The following ZMYM2 variants were observed in gnomAD, a reference collection of about 807,000 sequenced individuals.
The protein encoded by ZMYM2 is zinc finger MYM-type protein 2.
A neutral mutation model predicts 162.8 loss-of-function variants in ZMYM2; 56 were observed. The observed-to-expected ratio is 0.34, with a 90% CI of 0.28 to 0.43. ZMYM2 has a LOEUF of 0.43. Among genes scored for constraint, ZMYM2 ranks in the 20% least tolerant of loss-of-function variants. The probability of loss-of-function intolerance (pLI) is 1.00; values close to 1 mark genes in which losing one functional copy is unlikely to be tolerated. For synonymous variants in ZMYM2, 510 were observed against 541.6 expected (o/e 0.94, Z 0.81); for missense variants, 1,275 against 1,621.8 (o/e 0.79, Z 3.67).
At chr13:20,029,038 C>A (rs1460203840) in intron 9 of ZMYM2, among the ~76,000 whole-genome samples, 1 of 152,066 alleles carries the variant, frequency 6.6e-6, no homozygotes, top group Non-Finnish European at 1.5e-5. Flanking sequence ...AGATATTTTC[C>A]TTTTAAAAGT....
chr13:20,077,359 G>T (rs1684898694), intron 21 of ZMYM2, among the ~76,000 whole-genome samples: 1 of 150,382 alleles, frequency 6.6e-6, no homozygotes, highest in Admixed American at 6.6e-5. Context: ...AAAGTTACTT[G>T]CCCAAGTTAC....
At chr13:20,009,783 A>G (rs903083794) in intron 6 of ZMYM2, among the ~76,000 whole-genome samples, 4 of 152,204 alleles carry the variant, frequency 2.6e-5, no homozygotes, top group African/African-American at 9.6e-5. Context: ...CATTATATGT[A>G]TATGCCACAT....
the ZMYM2 span, among the ~76,000 whole-genome samples, chr13:19,890,326 G>T: frequency 6.6e-6 from 1 of 151,332 alleles, no homozygotes; most frequent in East Asian, 1.9e-4. Context: ...ACCACGCCTG[G>T]CTAACTTTTT....
the ZMYM2 span, among the ~76,000 whole-genome samples, chr13:19,881,711 G>A: frequency 3.3e-5 from 5 of 151,906 alleles, no homozygotes; most frequent in South Asian, 2.1e-4. Flanking sequence ...TTGGTCAGGC[G>A]CTGTGGCTCA....
At chr13:20,049,869 T>G (rs1955156671) in intron 12 of ZMYM2, among the ~76,000 whole-genome samples, 1 of 152,028 alleles carries the variant, frequency 6.6e-6, no homozygotes, top group South Asian at 2.1e-4. Flanking sequence ...GAATAAAGTA[T>G]TAAGCTTCCA....
At chr13:20,066,455 GTTGA>G (rs1475841051) in intron 19 of ZMYM2, 1 of 154,402 alleles carries the variant, frequency 6.5e-6, no homozygotes, top group Non-Finnish European at 1.4e-5. Context: ...GCTGATAACA[GTTGA>G]TTAACACATA....
At chr13:19,911,339 G>A in the ZMYM2 span, among the ~76,000 whole-genome samples, 121,382 of 151,646 alleles carry the variant, frequency 0.8, 49,720 homozygotes, top group East Asian at 0.96. Context: ...GATTACAGGT[G>A]TGAGCCACCA....
chr13:19,900,326 C>G, the ZMYM2 span, among the ~76,000 whole-genome samples: 1 of 151,912 alleles, frequency 6.6e-6, no homozygotes, highest in African/African-American at 2.4e-5. Context: ...TGTACAACAA[C>G]AAAATAGATA....
In ZMYM2 at chr13:20,051,270, T is replaced by C. The variant is rs1196962523; in HGVS notation, c.2293-163T>C. Reference sequence around the variant, plus strand: ...GTGAAATTGTATTTTTTTTTTTTTTTTTCATTTATTGTAGATTTTACTGTT... The same window carrying C: ...GTGAAATTGTATTTTTTTTTTTTTTCTTCATTTATTGTAGATTTTACTGTT... On this transcript the variant is annotated intron_variant, in intron 12 of 24. Transcript: ENST00000610343. 3.3e-5 allele frequency among the ~76,000 whole-genome samples: 5 copies of C among 151,926 alleles called. No homozygotes were observed. In the East Asian group the frequency reaches 7.7e-4, roughly 23 times the overall value.
At chr13:19,900,492 A>T in the ZMYM2 span, among the ~76,000 whole-genome samples, 2 of 152,182 alleles carry the variant, frequency 1.3e-5, no homozygotes, top group Non-Finnish European at 2.9e-5. Context: ...TCACGGGTAA[A>T]TTCTACCAAA....
intron 12 of ZMYM2, among the ~76,000 whole-genome samples, chr13:20,049,456 GAGTC>G (rs1359403858): frequency 5.3e-5 from 8 of 151,928 alleles, no homozygotes; most frequent in Admixed American, 4.6e-4. Context: ...CTACTACTAA[GAGTC>G]AGCATAGTAC....
intron 21 of ZMYM2, 141 bp from the exon 22 acceptor site, chr13:20,081,875 A>C (rs1159519777): frequency 3.9e-6 from 2 of 508,066 alleles, no homozygotes; most frequent in Non-Finnish European, 6.8e-6. Context: ...AGGTGCATAC[A>C]TAAAATCAGT....
chr13:19,916,362 G>A, the ZMYM2 span, among the ~76,000 whole-genome samples: 6 of 152,230 alleles, frequency 3.9e-5, no homozygotes, highest in African/African-American at 1.4e-4. Context: ...CCATTACTGG[G>A]TATATGCCCA....
intron 2 of ZMYM2, among the ~76,000 whole-genome samples, chr13:19,990,347 A>G (rs973510472): frequency 6.6e-6 from 1 of 152,094 alleles, no homozygotes; most frequent in African/African-American, 2.4e-5. Context: ...TTTGCTTCTT[A>G]CTTTGATCTG....
the ZMYM2 span, among the ~76,000 whole-genome samples, chr13:19,928,043 T>C: frequency 3.3e-5 from 5 of 152,218 alleles, no homozygotes; most frequent in Admixed American, 1.3e-4. Flanking sequence ...TCTTGCTTTG[T>C]TGGCCAGGCT....
At chr13:19,915,007 C>T in the ZMYM2 span, among the ~76,000 whole-genome samples, 1 of 152,128 alleles carries the variant, frequency 6.6e-6, no homozygotes, top group African/African-American at 2.4e-5. Context: ...GGGAATGGCA[C>T]CACTCACTAT....
intron 12 of ZMYM2, among the ~76,000 whole-genome samples, chr13:20,042,588 A>G (rs1411845789): frequency 6.6e-6 from 1 of 152,102 alleles, no homozygotes; most frequent in Non-Finnish European, 1.5e-5. Flanking sequence ...CTGGAGAGGT[A>G]GTACAGTTAT....
the ZMYM2 span, among the ~76,000 whole-genome samples, chr13:19,932,382 T>C: frequency 1.3e-5 from 2 of 152,062 alleles, no homozygotes; most frequent in Admixed American, 1.3e-4. Flanking sequence ...GCATGGTGGC[T>C]CATGCCTGTA....
intron 10 of ZMYM2, among the ~76,000 whole-genome samples, chr13:20,032,417 G>A (rs1162660373): frequency 1.3e-5 from 2 of 150,852 alleles, no homozygotes; most frequent in Non-Finnish European, 3.0e-5. Flanking sequence ...TGCTTTAGGG[G>A]TGGGGCAGGG....
Sources: allele counts gnomAD v4.1 joint callset (sites outside exome capture counted in the v4.1 genomes callset), GRCh38; gene constraint gnomAD v4.1.1; transcripts MANE v1.5; gene names NCBI Gene and HGNC (gene_info 2026-07-23, HGNC 2026-07-21).